The following NGLY1 variants were observed in gnomAD, a reference collection of about 807,000 sequenced individuals.
NGLY1 encodes N-glycanase 1, also known as peptide-N(4)-(N-acetyl-beta-glucosaminyl)asparagine amidase.
Under a neutral mutation model 84.6 loss-of-function variants are expected in NGLY1, and 68 were observed. That is an observed-to-expected ratio of 0.80 (90% CI 0.66 to 0.98). The LOEUF is 0.98. NGLY1 is among the 50% of genes least tolerant of loss of function. The probability of loss-of-function intolerance (pLI) is 0.00; values close to 1 mark genes in which losing one functional copy is unlikely to be tolerated. For missense variants in NGLY1, 779 were observed against 770.2 expected (o/e 1.01, Z -0.14); for synonymous variants, 280 against 275.2 (o/e 1.02, Z -0.17).
intron 5 of NGLY1, 139 bp from the exon 6 acceptor site, chr3:25,737,594 G>A (rs928693189): frequency 4.0e-6 from 3 of 747,276 alleles, no homozygotes; most frequent in African/African-American, 3.6e-5. Context: ...CCAGGCTGGA[G>A]TGCAGTGGCG....
At chr3:25,738,227 G>A (rs991548202) in intron 5 of NGLY1, among the ~76,000 whole-genome samples, 3 of 152,020 alleles carry the variant, frequency 2.0e-5, no homozygotes, top group Non-Finnish European at 4.4e-5. Context: ...AAAAATTTTA[G>A]CTTAGTTTAA....
upstream of NGLY1, among the ~76,000 whole-genome samples, chr3:25,786,360 T>C (rs1374332428): frequency 1.3e-5 from 2 of 151,516 alleles, no homozygotes; most frequent in African/African-American, 4.9e-5. Context: ...ATGTCAACTC[T>C]AAAAATGATG....
chr3:25,762,013 A>G (rs917298805), intron 3 of NGLY1, among the ~76,000 whole-genome samples: 1 of 152,204 alleles, frequency 6.6e-6, no homozygotes, highest in Non-Finnish European at 1.5e-5. Context: ...TTAACTTTCT[A>G]ACAATCACCA....
At chr3:25,731,560 C>T (rs1442492605) in intron 9 of NGLY1, among the ~76,000 whole-genome samples, 1 of 152,024 alleles carries the variant, frequency 6.6e-6, no homozygotes, top group Non-Finnish European at 1.5e-5. Context: ...GCTGAATATA[C>T]TCATACTCTA....
chr3:25,755,774 T>G (rs1575640603), intron 3 of NGLY1: 2 of 738,782 alleles, frequency 2.7e-6, no homozygotes, highest in East Asian at 2.6e-5. Flanking sequence ...TCGTTTTACC[T>G]TAAAAGACTT....
chr3:25,747,949 T>G (rs1333133096), intron 4 of NGLY1, among the ~76,000 whole-genome samples: 2 of 152,154 alleles, frequency 1.3e-5, no homozygotes, highest in Non-Finnish European at 2.9e-5. Context: ...CACCAGGTTT[T>G]CACAATGAAG....
rs1575604083 is a variant in NGLY1, at chr3:25,720,108, A to G, written c.1695T>C (p.Asp565=). 1 of 1,613,816 alleles carries G rather than the reference A, an allele frequency of 6.2e-7. No individual in the cohort carries two copies. Among genetic ancestry groups the G allele is most frequent in the South Asian group, 1.1e-5 (1 of 91,070 alleles). Residue 565 remains aspartate (D), a synonymous_variant, in exon 11 of 12, where the codon GAT becomes GAC. Transcript: ENST00000280700. Reference sequence around the variant, plus strand: ...GACTACTTGTTCTAATAGAAATGCTATCTACTTTTAGGCCAACTGACCCAC... The same window carrying G: ...GACTACTTGTTCTAATAGAAATGCTGTCTACTTTTAGGCCAACTGACCCAC... ...FECGSVGLKV[D]SISIRTSSQT... is the part of the protein sequence containing the mutation.
At chr3:25,743,526 G>C (rs990106670) in intron 4 of NGLY1, among the ~76,000 whole-genome samples, 1 of 152,080 alleles carries the variant, frequency 6.6e-6, no homozygotes, top group South Asian at 2.1e-4. Flanking sequence ...CTTACTAGTC[G>C]TCACTCACTC....
At chr3:25,744,515 T>C (rs1341231591) in intron 4 of NGLY1, among the ~76,000 whole-genome samples, 4 of 152,174 alleles carry the variant, frequency 2.6e-5, no homozygotes, top group African/African-American at 7.2e-5. Context: ...ATCACCAACT[T>C]GGCCAGCGGG....
chr3:25,755,130 A>T, intron 3 of NGLY1: 1 of 1,325,636 alleles, frequency 7.5e-7, no homozygotes, highest in South Asian at 1.2e-5. Context: ...GTTGATGCAG[A>T]TGATGTGAGA....
chr3:25,719,978 T>G (rs7635072), intron 11 of NGLY1, 36 bp downstream of exon 11: 1 of 1,563,598 alleles, frequency 6.4e-7, no homozygotes, highest in East Asian at 2.3e-5. Flanking sequence ...GTGGTAAATA[T>G]ATATTTCGTG....
chr3:25,737,288 A>G, intron 6 of NGLY1, 46 bp downstream of exon 6: 2 of 1,501,934 alleles, frequency 1.3e-6, no homozygotes, highest in East Asian at 2.3e-5. Context: ...CCAAACCTGC[A>G]AGCCTGCAAA....
In NGLY1 at chr3:25,778,676, A is replaced by T; in HGVS notation, c.144T>A (p.Asp48Glu). The T allele has an allele frequency of 6.3e-7, 1 of 1,597,688 alleles. No homozygotes were observed. The highest frequency in any genetic ancestry group is 1.1e-5 in the South Asian group (1 of 87,502). ...CAATCCGGATGGATCTATATTTTTC[A>T]TCATTAGGGTTTCTGACAAAAAACA... is the stretch of plus-strand genomic sequence containing the variant. ...YADNILRNPN[D>E]EKYRSIRIGN... The change falls in exon 2 of 12, where the codon GAT (aspartate) becomes GAA (glutamate). Residue 48 changes from aspartate (D) to glutamate (E), a missense_variant. Physicochemically the swap from Asp to Glu is conservative, Grantham distance 45. Transcript: ENST00000280700.
At chr3:25,752,576 A>T (rs1439368104) in intron 3 of NGLY1, among the ~76,000 whole-genome samples, 1 of 152,028 alleles carries the variant, frequency 6.6e-6, no homozygotes, top group Non-Finnish European at 1.5e-5. Context: ...TGGGAGGCCA[A>T]GGTGGAAGGA....
chr3:25,719,681 A>T, intron 11 of NGLY1, 46 bp from the exon 12 acceptor site: 2 of 1,487,786 alleles, frequency 1.3e-6, no homozygotes, highest in Non-Finnish European at 1.9e-6. Context: ...TTGGTAATTT[A>T]AAGAGCACAG....
chr3:25,767,725 C>T (rs186224235), intron 2 of NGLY1, among the ~76,000 whole-genome samples: 1 of 152,324 alleles, frequency 6.6e-6, no homozygotes, highest in Admixed American at 6.5e-5. Context: ...ACTCCATTTA[C>T]AAAAGCCCAC....
chr3:25,757,432 G>A (rs1575642336), intron 3 of NGLY1, among the ~76,000 whole-genome samples: 1 of 152,120 alleles, frequency 6.6e-6, no homozygotes, highest in African/African-American at 2.4e-5. Context: ...GCTGTTGTAA[G>A]GGTTCGACTG....
At chr3:25,739,526 C>T (rs1394639347) in intron 5 of NGLY1, 51 bp downstream of exon 5, 1 of 1,526,768 alleles carries the variant, frequency 6.5e-7, no homozygotes, top group Non-Finnish European at 9.0e-7. Flanking sequence ...AAACTCTCTT[C>T]TAACTATTTC....
Position 25,778,612 on chromosome 3 carries a change from C to T in NGLY1, c.208G>A (p.Gly70Arg). 1.2e-6 allele frequency: 2 copies of T among 1,611,890 alleles called. No homozygotes were observed. Among genetic ancestry groups the T allele is most frequent in the Non-Finnish European group, 1.7e-6 (2 of 1,178,732 alleles). The stretch of plus-strand genomic sequence containing the variant: ...ATTTCAAATAAACATTCAACAGCTC[C>T]TCTGACAGGCAAGAGTCTAGTAGAA... Reference protein sequence around the residue: ...AFSTRLLPVRGAVECLFEMGF... With the variant: ...AFSTRLLPVRRAVECLFEMGF... The change falls in exon 2 of 12, where the codon GGA becomes AGA. Residue 70 changes from glycine (G) to arginine (R), a missense_variant. Gly to Arg is a moderately radical substitution (Grantham distance 125, BLOSUM62 -2). Coordinates refer to ENST00000280700, the MANE Select transcript of NGLY1 (RefSeq NM_018297.4).
Sources: gnomAD v4.1 joint callset for allele counts (sites outside exome capture counted in the v4.1 genomes callset) on GRCh38, gnomAD v4.1.1 for gene constraint, MANE v1.5 for transcripts, NCBI Gene and HGNC (gene_info 2026-07-23, HGNC 2026-07-21) for gene names.